The following PTN variants were observed in gnomAD, a reference collection of about 807,000 sequenced individuals.
The protein encoded by PTN is heparin affin regulatory protein.
A neutral mutation model predicts 24.1 loss-of-function variants in PTN; 18 were observed. The ratio of observed to expected loss-of-function variants is 0.75; its 90% CI spans 0.52 to 1.11. PTN has a LOEUF of 1.11. Among genes scored for constraint, PTN ranks in the 50% least tolerant of loss-of-function variants. PTN has a pLI of 0.00. For missense variants in PTN, 163 were observed against 198.8 expected, an observed-to-expected ratio of 0.82 and a Z score of 1.08; for synonymous variants, 78 against 68.6, an observed-to-expected ratio of 1.14 and a Z score of -0.67.
intron 1 of PTN, chr7:137,324,673 C>T (rs1195057145): frequency 1.3e-5 from 2 of 151,974 alleles, no homozygotes; most frequent in African/African-American, 2.4e-5. Flanking sequence ...AATACTTTCA[C>T]AGGCTATGAT....
At position 137,262,772 on chromosome 7, in the gene PTN, CA is replaced by C. The variant is rs200526887; in HGVS notation, c.-1-7799del. ...AAACAGAATAGAACGGGAGGTTTCA[CA>C]AGGTCCTTCCATACAATGTCTGGAA... is the stretch of plus-strand genomic sequence containing the variant. On this transcript the variant is annotated intron_variant, in intron 1 of 4. Transcript: ENST00000348225. Among the ~76,000 whole-genome samples, 8 of 152,272 alleles carry C rather than the reference CA, an allele frequency of 5.3e-5. No homozygotes were observed. The East Asian group carries it at 1.5e-3, about 29-fold the overall frequency.
At chr7:137,237,655 T>C (rs1046387877) in intron 4 of PTN, among the ~76,000 whole-genome samples, 3 of 152,168 alleles carry the variant, frequency 2.0e-5, no homozygotes, top group Non-Finnish European at 4.4e-5. Flanking sequence ...GCATTAATTC[T>C]TTCACCCCCC....
chr7:137,334,137 G>A (rs1402932639), intron 1 of PTN, among the ~76,000 whole-genome samples: 4 of 151,558 alleles, frequency 2.6e-5, no homozygotes, highest in Non-Finnish European at 5.9e-5. Context: ...CATGGGCAAG[G>A]ACTTCATGTC....
At position 137,227,838 on chromosome 7, in the gene PTN, AC is replaced by A; in HGVS notation, c.*181del. 1 of 483,892 alleles carries A rather than the reference AC, an allele frequency of 2.1e-6. No individual in the cohort carries two copies. The highest frequency in any genetic ancestry group is 3.4e-6 in the Non-Finnish European group (1 of 292,344). 30.0% of individuals were successfully genotyped at this position (483,892 alleles called of 1,614,324 possible). On this transcript the variant is annotated 3_prime_UTR_variant, in exon 5 of 5. Coordinates refer to ENST00000348225, the MANE Select transcript of PTN (RefSeq NM_002825.7). ...TTACAGTCCTTTATTATAAGCCCCT[AC>A]TGGTACTATAGTATACATTTAAAAA...
chr7:137,289,122 A>C (rs1232883507), intron 1 of PTN, among the ~76,000 whole-genome samples: 6 of 152,180 alleles, frequency 3.9e-5, no homozygotes, highest in African/African-American at 1.4e-4. Flanking sequence ...TCAGCATGTC[A>C]CTCAACTCAG....
intron 1 of PTN, among the ~76,000 whole-genome samples, chr7:137,278,306 CAAAAAAAAAAAAA>C (rs71176391): frequency 2.2e-4 from 14 of 62,854 alleles, no homozygotes; most frequent in African/African-American, 6.2e-4. Context: ...GACTCCGTCT[CAAAAAAAAAAAAA>C]AAAAAAAAAA....
chr7:137,256,166 T>C (rs184772699), intron 1 of PTN, among the ~76,000 whole-genome samples: 1 of 152,296 alleles, frequency 6.6e-6, no homozygotes, highest in East Asian at 1.9e-4. Flanking sequence ...ATATGCTGTC[T>C]CTTATTAGTG....
intron 1 of PTN, among the ~76,000 whole-genome samples, chr7:137,337,822 G>A (rs1692943689): frequency 6.6e-6 from 1 of 152,174 alleles, no homozygotes; most frequent in Non-Finnish European, 1.5e-5. Flanking sequence ...GTTTGGTAAG[G>A]CAAGGGGATT....
intron 4 of PTN, among the ~76,000 whole-genome samples, chr7:137,245,823 T>TA (rs920874426): frequency 1.6e-4 from 25 of 152,246 alleles, no homozygotes; most frequent in African/African-American, 5.8e-4. Flanking sequence ...CAAAAAGTTT[T>TA]AAAAAATTAA....
intron 1 of PTN, among the ~76,000 whole-genome samples, chr7:137,282,731 T>A (rs1028452969): frequency 1.3e-5 from 2 of 152,210 alleles, no homozygotes; most frequent in African/African-American, 2.4e-5. Context: ...TTAAAAGTCA[T>A]CTTTAGATTA....
At chr7:137,231,129 TGC>T (rs1808420121) in intron 4 of PTN, among the ~76,000 whole-genome samples, 1 of 151,890 alleles carries the variant, frequency 6.6e-6, no homozygotes, top group East Asian at 1.9e-4. Flanking sequence ...AAATACAAGC[TGC>T]GAGAGGGTGC....
At chr7:137,276,585 C>A (rs1268294784) in intron 1 of PTN, among the ~76,000 whole-genome samples, 1 of 152,166 alleles carries the variant, frequency 6.6e-6, no homozygotes, top group African/African-American at 2.4e-5. Context: ...AGTTGGGGAC[C>A]TGGCTTGCCA....
Position 137,251,255 on chromosome 7 carries a change from G to T in PTN, c.426C>A (p.Gly142=). Residue 142 remains glycine (G), a synonymous_variant, in exon 4 of 5, where the codon GGC becomes GGA. Coordinates refer to ENST00000348225, the MANE Select transcript of PTN (RefSeq NM_002825.7). Reference sequence around the variant, plus strand: ...CTTGAGGTTTGGGCTTGGTCAGTTTGCCACAGGGCTTGGAGATGGTGACAG... The same window carrying T: ...CTTGAGGTTTGGGCTTGGTCAGTTTTCCACAGGGCTTGGAGATGGTGACAG... The part of the protein sequence containing the change: ...QKTVTISKPC[G]KLTKPKPQAE... 6.2e-7 allele frequency: 1 copy of T among 1,614,096 alleles called. No individual in the cohort carries two copies. The highest frequency in any genetic ancestry group is 8.5e-7 in the Non-Finnish European group (1 of 1,180,008).
intron 1 of PTN, among the ~76,000 whole-genome samples, chr7:137,288,631 A>G (rs538913432): frequency 1.2e-4 from 19 of 152,188 alleles, no homozygotes; most frequent in Non-Finnish European, 2.5e-4. Context: ...TTGCATAGAG[A>G]TGGAAAGAAA....
At chr7:137,248,211 A>G (rs917875387) in intron 4 of PTN, among the ~76,000 whole-genome samples, 7 of 152,240 alleles carry the variant, frequency 4.6e-5, no homozygotes, top group African/African-American at 1.7e-4. Context: ...TATAATATCT[A>G]TCCAAGTTTA....
intron 1 of PTN, among the ~76,000 whole-genome samples, chr7:137,273,934 G>C (rs1297285145): frequency 6.6e-6 from 1 of 152,050 alleles, no homozygotes; most frequent in Non-Finnish European, 1.5e-5. Context: ...TTTTGTGGGT[G>C]TTTTAGGTAC....
At chr7:137,319,705 T>A (rs1027480949) in intron 1 of PTN, among the ~76,000 whole-genome samples, 10 of 152,342 alleles carry the variant, frequency 6.6e-5, no homozygotes, top group African/African-American at 2.4e-4. Flanking sequence ...CCGGACAAAC[T>A]GCCAAGGCTT....
At chr7:137,324,433 A>AAAAAAATATATATATATATATATAT in intron 1 of PTN, among the ~76,000 whole-genome samples, 2 of 88,758 alleles carry the variant, frequency 2.3e-5, no homozygotes, top group African/African-American at 6.9e-5. Flanking sequence ...AAAAAAAAAA[A>AAAAAAATATATATATATATATATAT]ATATATATAT....
intron 4 of PTN, among the ~76,000 whole-genome samples, chr7:137,229,482 T>G (rs1004954905): frequency 2.6e-5 from 4 of 151,888 alleles, no homozygotes; most frequent in Middle Eastern, 3.4e-3. Flanking sequence ...AGCTGGAAAC[T>G]TTTCCATTTC....
Sources: allele counts gnomAD v4.1 joint callset (sites outside exome capture counted in the v4.1 genomes callset), GRCh38; gene constraint gnomAD v4.1.1; transcripts MANE v1.5; gene names NCBI Gene and HGNC (gene_info 2026-07-23, HGNC 2026-07-21).